CUL5: variants seen among roughly 807,000 people sequenced by gnomAD.
CUL5 encodes cullin 5, also known as cullin-5.
Under a neutral mutation model 108.8 loss-of-function variants are expected in CUL5, and 26 were observed. That is an observed-to-expected ratio of 0.24 (90% confidence interval 0.18 to 0.33). CUL5 has a LOEUF of 0.33. Among genes scored for constraint, CUL5 ranks in the 10% least tolerant of loss-of-function variants. CUL5 has a pLI of 1.00. For missense variants in CUL5, 524 were observed against 909.2 expected, an observed-to-expected ratio of 0.58 and a Z score of 5.45; for synonymous variants, 334 against 298.0, an observed-to-expected ratio of 1.12 and a Z score of -1.25.
intron 1 of CUL5, among the ~76,000 whole-genome samples, chr11:108,019,452 A>G (rs1278333650): frequency 6.6e-6 from 1 of 152,180 alleles, no homozygotes; most frequent in African/African-American, 2.4e-5. Context: ...AGTGCCATTA[A>G]TTGGATATAC....
At chr11:108,028,864 T>A (rs1278745755) in intron 1 of CUL5, among the ~76,000 whole-genome samples, 1 of 152,120 alleles carries the variant, frequency 6.6e-6, no homozygotes, top group Non-Finnish European at 1.5e-5. Flanking sequence ...CACTTCTTGC[T>A]CAGAATCTTT....
At chr11:108,074,137 A>G (rs1863890858) in intron 10 of CUL5, 1 of 151,720 alleles carries the variant, frequency 6.6e-6, no homozygotes, top group African/African-American at 2.4e-5. Context: ...CTAAAAAGAC[A>G]ACTTTCTCCA....
At chr11:108,092,183 T>G (rs1489204204) in intron 13 of CUL5, among the ~76,000 whole-genome samples, 4 of 151,964 alleles carry the variant, frequency 2.6e-5, no homozygotes, top group African/African-American at 4.8e-5. Context: ...CCCACTAGGG[T>G]AGCTAAAATA....
intron 15 of CUL5, 141 bp from the exon 16 acceptor site, chr11:108,095,389 A>T: frequency 1.6e-6 from 1 of 609,240 alleles, no homozygotes; most frequent in Non-Finnish European, 2.8e-6. Flanking sequence ...GGCAGTCATT[A>T]ACGTCTTCTA....
chr11:108,089,904 C>G (rs1055531171), intron 13 of CUL5, among the ~76,000 whole-genome samples: 7 of 151,886 alleles, frequency 4.6e-5, no homozygotes, highest in Non-Finnish European at 1.0e-4. Flanking sequence ...GCTGGATGTG[C>G]TGGTGCACTC....
chr11:108,096,533 G>A (rs1272693477), intron 16 of CUL5, among the ~76,000 whole-genome samples: 1 of 125,092 alleles, frequency 8.0e-6, no homozygotes, highest in Non-Finnish European at 1.7e-5. Flanking sequence ...GTATTTAAGT[G>A]TTACCTGTGA....
intron 18 of CUL5, among the ~76,000 whole-genome samples, chr11:108,100,337 G>C (rs1864624548): frequency 2.0e-5 from 3 of 151,816 alleles, no homozygotes; most frequent in Admixed American, 1.3e-4. Flanking sequence ...GAGGTCAGGA[G>C]TTCAAGACCA....
rs1451948341 is a variant in CUL5 at position 108,105,601 on chromosome 11, A to G, written c.*1217A>G. The G allele has an allele frequency of 1.3e-5, 2 of 152,158 alleles. No homozygotes were observed. Among genetic ancestry groups the G allele is most frequent in the African/African-American group, 4.8e-5 (2 of 41,450 alleles). 9.4% of individuals were successfully genotyped at this position (152,158 alleles called of 1,614,324 possible). Reference sequence around the variant, plus strand: ...ACATTTACCATGTTCCTTTCAGTCTATCCAAAGTAGCAACTTAACTAGTTG... The same window carrying G: ...ACATTTACCATGTTCCTTTCAGTCTGTCCAAAGTAGCAACTTAACTAGTTG... On this transcript the variant is annotated 3_prime_UTR_variant, in exon 19 of 19. Coordinates refer to ENST00000393094, the MANE Select transcript of CUL5 (RefSeq NM_003478.6).
chr11:108,074,651 G>A (rs972186947), intron 10 of CUL5, among the ~76,000 whole-genome samples: 3 of 151,714 alleles, frequency 2.0e-5, no homozygotes, highest in Admixed American at 6.6e-5. Flanking sequence ...CTAAAAATAC[G>A]AAAAATTAGC....
At position 108,028,650 on chromosome 11, in the gene CUL5, G is replaced by A. The variant is rs571600837; in HGVS notation, c.25-5152G>A. 9.2e-5 allele frequency among the ~76,000 whole-genome samples: 14 copies of A among 152,078 alleles called. No individual in the cohort carries two copies. In the East Asian group the frequency reaches 2.1e-3, roughly 23 times the overall value. On this transcript the variant is annotated intron_variant, in intron 1 of 18. Coordinates refer to ENST00000393094, the MANE Select transcript of CUL5 (RefSeq NM_003478.6). ...TCACGAGTTAGAGACCAGCCTGGCC[G>A]ACATGGTGAAACCCCGTCTCTACTA...
chr11:108,058,680 G>A (rs1418844344), intron 7 of CUL5, among the ~76,000 whole-genome samples: 1 of 151,984 alleles, frequency 6.6e-6, no homozygotes, highest in Non-Finnish European at 1.5e-5. Context: ...TGATATTGGA[G>A]TTAAGACCTG....
At chr11:108,026,298 C>T (rs1034533826) in intron 1 of CUL5, among the ~76,000 whole-genome samples, 3 of 152,102 alleles carry the variant, frequency 2.0e-5, no homozygotes, top group Non-Finnish European at 2.9e-5. Flanking sequence ...AATCCATGAC[C>T]ACAATGAGGC....
At chr11:108,031,858 T>C (rs1267210293) in intron 1 of CUL5, among the ~76,000 whole-genome samples, 4 of 152,352 alleles carry the variant, frequency 2.6e-5, no homozygotes, top group Admixed American at 2.0e-4. Flanking sequence ...AACAAGATCA[T>C]GTCCTTTGCA....
At chr11:108,058,508 A>C (rs1225440421) in intron 7 of CUL5, among the ~76,000 whole-genome samples, 1 of 151,388 alleles carries the variant, frequency 6.6e-6, no homozygotes, top group African/African-American at 2.4e-5. Flanking sequence ...GCGGCCTCCC[A>C]AAGTGCTGGG....
intron 9 of CUL5, 97 bp downstream of exon 9, chr11:108,072,559 G>GTTGGGGGT (rs1863852253): frequency 1.9e-6 from 2 of 1,040,782 alleles, no homozygotes; most frequent in African/African-American, 3.2e-5. Context: ...GAGGCTGGGG[G>GTTGGGGGT]TTGGGGGAGC....
chr11:108,075,251 G>A (rs929575986), intron 10 of CUL5, among the ~76,000 whole-genome samples: 3 of 151,532 alleles, frequency 2.0e-5, no homozygotes, highest in African/African-American at 4.9e-5. Flanking sequence ...ATAGCGTGGC[G>A]TATTAGTAAG....
intron 2 of CUL5, among the ~76,000 whole-genome samples, chr11:108,038,177 CTA>C (rs1862793441): frequency 6.6e-6 from 1 of 152,074 alleles, no homozygotes; most frequent in Non-Finnish European, 1.5e-5. Context: ...TTCAATTAAA[CTA>C]TTTTATGAAT....
At chr11:108,038,740 C>A (rs1862811788) in intron 2 of CUL5, among the ~76,000 whole-genome samples, 1 of 151,718 alleles carries the variant, frequency 6.6e-6, no homozygotes, top group African/African-American at 2.4e-5. Flanking sequence ...GTGTATCGTC[C>A]TTTTAGGTAA....
Position 108,094,946 on chromosome 11 carries a change from G to A in CUL5, c.1702G>A (p.Gly568Ser). The change falls in exon 15 of 19, where the codon GGT (glycine) becomes AGT (serine). Residue 568 changes from glycine to serine, a missense_variant. By Grantham distance (56) the Gly-to-Ser change is moderately conservative. This residue lies in a region of CUL5 where 64 missense variants were observed against 152.0 expected (regional missense o/e 0.42). Coordinates refer to ENST00000393094, the MANE Select transcript of CUL5 (RefSeq NM_003478.6). ...AGAATTCTACAAAAAAAATCATAGT[G>A]GTAGAAAATTACATTGGCATCATCT... ...VEEFYKKNHSGRKLHWHHLMS... is the reference protein window; with the variant it reads ...VEEFYKKNHSSRKLHWHHLMS... 6.2e-7 allele frequency: 1 copy of A among 1,612,644 alleles called. No individual in the cohort carries two copies. The highest frequency in any genetic ancestry group is 1.1e-5 in the South Asian group (1 of 90,796).
Sources: allele counts gnomAD v4.1 joint callset (sites outside exome capture counted in the v4.1 genomes callset), GRCh38; gene constraint gnomAD v4.1.1; regional missense constraint gnomAD v4.1.1; transcripts MANE v1.5; gene names NCBI Gene and HGNC (gene_info 2026-07-23, HGNC 2026-07-21).